Variants in PTPRD observed in about 807,000 individuals in gnomAD.
PTPRD encodes the protein protein tyrosine phosphatase receptor type D, also known as receptor-type tyrosine-protein phosphatase delta.
In PTPRD, 34 loss-of-function variants were observed where a neutral mutation model predicts 214.5. The ratio of observed to expected loss-of-function variants is 0.16; its 90% CI spans 0.12 to 0.21. PTPRD has a LOEUF of 0.21. Among genes scored for constraint, PTPRD ranks in the 10% least tolerant of loss-of-function variants. The pLI is 1.00. For missense variants in PTPRD, 2,545 were observed against 2,398.7 expected (o/e 1.06, Z -1.27); for synonymous variants, 1,128 against 845.7 (o/e 1.33, Z -5.79).
At chr9:10,115,009 T>C (rs183654778) in intron 3 of PTPRD, among the ~76,000 whole-genome samples, 4 of 151,262 alleles carry the variant, frequency 2.6e-5, no homozygotes, top group African/African-American at 9.7e-5. Flanking sequence ...AGCTTCTTTC[T>C]TGGAGCATTA....
rs570050033 is a variant in PTPRD, at chr9:9,568,839, G to C, written c.-237+5893C>G. On this transcript the variant is annotated intron_variant, in intron 8 of 45. Coordinates refer to ENST00000381196, the MANE Select transcript of PTPRD (RefSeq NM_002839.4). ...TTTTTGTAGCTGGAGGATGACTGTA[G>C]ACCCTACAAGCTCTCCAGGACTATA... 2.0e-5 allele frequency among the ~76,000 whole-genome samples: 3 copies of C among 151,914 alleles called. No individual in the cohort carries two copies. The South Asian group carries it at 6.2e-4, about 31-fold the overall frequency.
In PTPRD at chr9:8,485,951, G is replaced by A. The variant is rs766162362; in HGVS notation, c.2866C>T (p.Leu956Phe). ...ERNGIITKYT[L>F]LYRDINIPLL... ...GGGATGTTGATATCCCTATAAAGAA[G>A]GGTATACTTGGTGATAATGCCATTT... The change falls in exon 28 of 46, where the codon CTT (leucine) becomes TTT (phenylalanine). Residue 956 changes from leucine (L) to phenylalanine (F), a missense_variant. Coordinates refer to ENST00000381196, the MANE Select transcript of PTPRD (RefSeq NM_002839.4). The A allele has an allele frequency of 2.5e-6, 4 of 1,614,174 alleles. No homozygotes were observed. The highest frequency in any genetic ancestry group is 2.2e-5 in the East Asian group (1 of 44,874).
intron 3 of PTPRD, among the ~76,000 whole-genome samples, chr9:10,274,671 G>A (rs565116157): frequency 2.7e-4 from 41 of 152,250 alleles, no homozygotes; most frequent in African/African-American, 9.9e-4. Flanking sequence ...AGGAATAATG[G>A]AACTTAATTT....
At chr9:8,440,427 T>G (rs1482052909) in intron 34 of PTPRD, among the ~76,000 whole-genome samples, 1 of 152,062 alleles carries the variant, frequency 6.6e-6, no homozygotes, top group African/African-American at 2.4e-5. Context: ...GTGGTTCCCC[T>G]GCCTCAGCCT....
intron 5 of PTPRD, among the ~76,000 whole-genome samples, chr9:9,924,937 T>A (rs1364257891): frequency 6.6e-6 from 1 of 152,100 alleles, no homozygotes; most frequent in Admixed American, 6.6e-5. Flanking sequence ...ATACTAATCA[T>A]CTCTTGTGTT....
At position 10,398,340 on chromosome 9, in the gene PTPRD, C is replaced by T. The variant is rs114667677; in HGVS notation, c.-599-57323G>A. On this transcript the variant is annotated intron_variant, in intron 2 of 45. Coordinates refer to ENST00000381196, the MANE Select transcript of PTPRD (RefSeq NM_002839.4). ...AGGCTGTAGTGTACTATGATTGTGC[C>T]ACTGCACTCCAGCCTGGACTACAGA... is the stretch of plus-strand genomic sequence containing the variant. Among the ~76,000 whole-genome samples, 639 of 151,894 alleles carry T rather than the reference C, an allele frequency of 4.2e-3. 7 individuals carry two copies. Among genetic ancestry groups the T allele is most frequent in the African/African-American group, 0.014 (582 of 41,494 alleles).
chr9:10,132,263 T>C (rs2098897683), intron 3 of PTPRD, among the ~76,000 whole-genome samples: 1 of 152,162 alleles, frequency 6.6e-6, no homozygotes, highest in Non-Finnish European at 1.5e-5. Context: ...AAATGTTGCT[T>C]ACATCCCACC....
At chr9:9,243,808 T>G (rs542203110) in intron 9 of PTPRD, among the ~76,000 whole-genome samples, 2 of 152,162 alleles carry the variant, frequency 1.3e-5, no homozygotes, top group Admixed American at 6.6e-5. Flanking sequence ...GGCAGGAGAA[T>G]GAAGTAAAGG....
chr9:8,733,084 G>C (rs2098677602), intron 12 of PTPRD, among the ~76,000 whole-genome samples: 1 of 152,136 alleles, frequency 6.6e-6, no homozygotes, highest in South Asian at 2.1e-4. Context: ...AGGTAAACAA[G>C]GTAGACCTAA....
At chr9:10,055,376 G>C (rs2097611801) in intron 3 of PTPRD, among the ~76,000 whole-genome samples, 1 of 152,082 alleles carries the variant, frequency 6.6e-6, no homozygotes, top group African/African-American at 2.4e-5. Flanking sequence ...ACGAATAGGA[G>C]ACATTTTCCA....
At chr9:9,097,411 T>C (rs1449250782) in intron 10 of PTPRD, among the ~76,000 whole-genome samples, 10 of 151,184 alleles carry the variant, frequency 6.6e-5, no homozygotes, top group Non-Finnish European at 1.3e-4. Flanking sequence ...TCTTTTTTTT[T>C]TTTTCTTTTT....
chr9:10,295,803 C>G (rs573349302), intron 3 of PTPRD, among the ~76,000 whole-genome samples: 1 of 152,054 alleles, frequency 6.6e-6, no homozygotes, highest in Non-Finnish European at 1.5e-5. Flanking sequence ...AAGCAGAGAA[C>G]TTTCCCTGGC....
At chr9:9,976,373 G>A (rs1411192639) in intron 4 of PTPRD, among the ~76,000 whole-genome samples, 2 of 151,750 alleles carry the variant, frequency 1.3e-5, no homozygotes, top group African/African-American at 4.8e-5. Flanking sequence ...GCATCATCCA[G>A]GTGATTAACT....
intron 36 of PTPRD, among the ~76,000 whole-genome samples, chr9:8,401,812 A>G (rs1162408319): frequency 6.6e-6 from 1 of 152,230 alleles, no homozygotes; most frequent in African/African-American, 2.4e-5. Context: ...AGGAGTAACT[A>G]GCACCACTGA....
intron 8 of PTPRD, among the ~76,000 whole-genome samples, chr9:9,443,870 GGA>G (rs1351232130): frequency 6.6e-6 from 1 of 152,082 alleles, no homozygotes; most frequent in Non-Finnish European, 1.5e-5. Flanking sequence ...ACACAGCAGT[GGA>G]TAACTGGAAC....
At chr9:9,644,813 A>G (rs569876245) in intron 7 of PTPRD, among the ~76,000 whole-genome samples, 1 of 152,198 alleles carries the variant, frequency 6.6e-6, no homozygotes, top group Non-Finnish European at 1.5e-5. Flanking sequence ...GAAGGAGAGA[A>G]GAGAAGAAGC....
intron 3 of PTPRD, among the ~76,000 whole-genome samples, chr9:10,321,801 A>T (rs762334217): frequency 1.3e-4 from 20 of 152,174 alleles, no homozygotes; most frequent in Non-Finnish European, 2.6e-4. Flanking sequence ...ACTCCTATGA[A>T]ATTCAAATGA....
intron 9 of PTPRD, among the ~76,000 whole-genome samples, chr9:9,334,352 G>T (rs935617404): frequency 2.0e-5 from 3 of 151,974 alleles, no homozygotes; most frequent in African/African-American, 7.2e-5. Flanking sequence ...CCAAGGGTAT[G>T]TGTACAAATG....
chr9:9,586,732 G>C (rs1193760520), intron 7 of PTPRD, among the ~76,000 whole-genome samples: 1 of 151,872 alleles, frequency 6.6e-6, no homozygotes, highest in Non-Finnish European at 1.5e-5. Flanking sequence ...TAAATTTTTA[G>C]TCCTGTGTAC....
Sources: allele counts gnomAD v4.1 joint callset (sites outside exome capture counted in the v4.1 genomes callset), GRCh38; gene constraint gnomAD v4.1.1; transcripts MANE v1.5; gene names NCBI Gene and HGNC (gene_info 2026-07-23, HGNC 2026-07-21).